TCF3: variants seen among roughly 807,000 people sequenced by gnomAD.
TCF3 encodes transcription factor E2-alpha.
A neutral mutation model predicts 72.3 loss-of-function variants in TCF3; 54 were observed. The ratio of observed to expected loss-of-function variants is 0.75; its 90% CI spans 0.60 to 0.94. The LOEUF (loss-of-function observed/expected upper bound fraction) is 0.94, where lower values mean the gene tolerates loss of function less well. TCF3 is among the 40% of genes least tolerant of loss of function. TCF3 has a pLI of 0.00. For missense variants in TCF3, 1,078 were observed against 934.4 expected, an observed-to-expected ratio of 1.15 and a Z score of -2.00; for synonymous variants, 525 against 412.6, an observed-to-expected ratio of 1.27 and a Z score of -3.30.
chr19:1,619,488 G>T lies in TCF3; in HGVS notation c.1168-14C>A. 1 of 1,566,078 alleles carries T rather than the reference G, an allele frequency of 6.4e-7. No individual in the cohort carries two copies. Among genetic ancestry groups the T allele is most frequent in the Non-Finnish European group, 8.6e-7 (1 of 1,158,458 alleles). On this transcript the variant is annotated splice_polypyrimidine_tract_variant and intron_variant, in intron 14 of 18. Transcript: ENST00000262965. Reference sequence around the variant, plus strand: ...TATCTTACTCTGCTGCAGGGTGGGGGGATGGGTGGTGAGGGGCCCAAGCCG... The same window carrying T: ...TATCTTACTCTGCTGCAGGGTGGGGTGATGGGTGGTGAGGGGCCCAAGCCG...
chr19:1,645,717 C>T (rs913815256), intron 3 of TCF3, among the ~76,000 whole-genome samples: 2 of 152,196 alleles, frequency 1.3e-5, no homozygotes. Flanking sequence ...CCCCAGGACC[C>T]CACGTCTCCC....
chr19:1,626,412 T>C (rs1366525887), intron 6 of TCF3, among the ~76,000 whole-genome samples: 1 of 151,226 alleles, frequency 6.6e-6, no homozygotes, highest in Non-Finnish European at 1.5e-5. Flanking sequence ...ATTGCGCCAT[T>C]GAACTCCAGC....
intron 18 of TCF3, chr19:1,612,077 G>A: frequency 1.0e-6 from 1 of 966,340 alleles, no homozygotes; most frequent in Non-Finnish European, 1.5e-6. Flanking sequence ...AACATCACTG[G>A]GTCTGAGTCC....
Position 1,646,435 on chromosome 19 carries a change from G to A in TCF3, c.73-8C>T, listed in dbSNP as rs1159465730. On this transcript the variant is annotated splice_region_variant and splice_polypyrimidine_tract_variant and intron_variant, in intron 2 of 18. Coordinates refer to ENST00000262965, the MANE Select transcript of TCF3 (RefSeq NM_003200.5). The stretch of plus-strand genomic sequence containing the variant: ...GACAGGCAGCGGGAACATCTGCAGG[G>A]AGGGGAGGGGAGACGTGAGCGGGGC... The A allele has an allele frequency of 9.7e-6, 15 of 1,548,966 alleles. No individual in the cohort carries two copies. Among genetic ancestry groups the A allele is most frequent in the Middle Eastern group, 1.7e-4 (1 of 6,004 alleles).
chr19:1,647,895 C>T (rs933509249), intron 2 of TCF3, among the ~76,000 whole-genome samples: 3 of 152,150 alleles, frequency 2.0e-5, no homozygotes, highest in African/African-American at 4.8e-5. Flanking sequence ...CTGTGTGGGA[C>T]GTGGTGAAAC....
At chr19:1,650,017 T>C (rs1279969278) in intron 2 of TCF3, among the ~76,000 whole-genome samples, 160 bp downstream of exon 2, 2 of 152,060 alleles carry the variant, frequency 1.3e-5, no homozygotes, top group Admixed American at 6.5e-5. Context: ...GTCAGCCTCC[T>C]GCCAGAGAGC....
chr19:1,650,194 G>A lies in TCF3; in HGVS notation c.55C>T (p.Leu19Phe), dbSNP rs941873597. Residue 19 changes from leucine (L) to phenylalanine (F), a missense_variant, in exon 2 of 19, where the codon CTC becomes TTC. Coordinates refer to ENST00000262965, the MANE Select transcript of TCF3 (RefSeq NM_003200.5). The part of the protein sequence containing the change: ...PVGTDKELSD[L>F]LDFSMMFPLP... ...TGGCTCACCATGCTGAAGTCCAGGA[G>A]GTCACTGAGCTCCTTGTCTGTGCCC... is the stretch of plus-strand genomic sequence containing the variant. 28 of 1,572,232 alleles carry A rather than the reference G, an allele frequency of 1.8e-5. No homozygotes were observed. The highest frequency in any genetic ancestry group is 2.3e-5 in the Non-Finnish European group (27 of 1,160,298).
In TCF3 at chr19:1,615,542, G is replaced by A. The variant is rs767178133; in HGVS notation, c.1587-22C>T. 6.2e-7 allele frequency: 1 copy of A among 1,605,144 alleles called. No homozygotes were observed. Among genetic ancestry groups the A allele is most frequent in the Middle Eastern group, 1.7e-4 (1 of 6,058 alleles). The stretch of plus-strand genomic sequence containing the variant: ...TGGGCTATGGGGAGGGCGCCGGGAG[G>A]GGGCCAGAGGGAGACAGTGAGGTTG... On this transcript the variant is annotated intron_variant, in intron 17 of 18. Transcript: ENST00000262965. The surrounding 1 kb of genome is among the most constrained non-coding windows in gnomAD (Gnocchi z 7.3).
In TCF3 at chr19:1,614,118, G is replaced by A. The variant is rs373192278; in HGVS notation, c.1822+1167C>T. Among the ~76,000 whole-genome samples, 62 of 152,378 alleles carry A rather than the reference G, an allele frequency of 4.1e-4. 2 individuals carry two copies. The South Asian group carries it at 8.1e-3, about 20-fold the overall frequency. ...GGCACCCACTGCTCTAGGTTGTGGT[G>A]AAGATGAAATGGGTGAAGGTCTGGC... is the stretch of plus-strand genomic sequence containing the variant. On this transcript the variant is annotated intron_variant, in intron 18 of 18. Coordinates refer to ENST00000262965, the MANE Select transcript of TCF3 (RefSeq NM_003200.5). The surrounding 1 kb of genome is among the most constrained non-coding windows in gnomAD (Gnocchi z 5.6).
intron 5 of TCF3, 124 bp downstream of exon 5, chr19:1,631,914 G>A (rs886788495): frequency 2.6e-6 from 4 of 1,538,118 alleles, no homozygotes; most frequent in Admixed American, 3.9e-5. Context: ...AGAGGCTTCG[G>A]CTGTCCACAC....
chr19:1,618,191 G>C (rs1313169936), intron 16 of TCF3, among the ~76,000 whole-genome samples: 1 of 152,072 alleles, frequency 6.6e-6, no homozygotes, highest in Non-Finnish European at 1.5e-5. Flanking sequence ...GCTCGGGCCA[G>C]AAATCCCAGA....
rs1241417649 is a variant in TCF3, at chr19:1,652,314, C to CG, written c.-55dup. On this transcript the variant is annotated 5_prime_UTR_variant, in exon 1 of 19. The change abolishes the stop of an existing upstream ORF in the 5' untranslated region. Coordinates refer to ENST00000262965, the MANE Select transcript of TCF3 (RefSeq NM_003200.5). Reference sequence around the variant, plus strand: ...GCCGGGCTCACCTGCTGGGCGCGGCCGGGCACGCGGCGCGTGGGGGGGGGC... The same window carrying CG: ...GCCGGGCTCACCTGCTGGGCGCGGCCGGGGCACGCGGCGCGTGGGGGGGGGC... 4 of 143,868 alleles carry CG rather than the reference C, an allele frequency of 2.8e-5. No individual in the cohort carries two copies. The highest frequency in any genetic ancestry group is 6.2e-5 in the Non-Finnish European group (4 of 65,002). 8.9% of individuals were successfully genotyped at this position (143,868 alleles called of 1,614,324 possible). A position where few individuals can be genotyped will look rare whatever the true frequency, so the allele number is the denominator to read the frequency against.
chr19:1,629,192 C>T (rs1430335368), intron 5 of TCF3, among the ~76,000 whole-genome samples: 1 of 152,026 alleles, frequency 6.6e-6, no homozygotes, highest in Non-Finnish European at 1.5e-5. Context: ...CCTCAGTTTC[C>T]TCTGTTTCAG....
intron 8 of TCF3, among the ~76,000 whole-genome samples, chr19:1,622,776 C>G (rs1417165459): frequency 6.6e-6 from 1 of 152,172 alleles, no homozygotes. Flanking sequence ...CATCCTTCTC[C>G]CTTGTTCCCC....
chr19:1,644,061 G>A (rs752072502), intron 3 of TCF3, among the ~76,000 whole-genome samples: 9 of 152,140 alleles, frequency 5.9e-5, no homozygotes, highest in Admixed American at 1.3e-4. Context: ...CAGCTCCGGG[G>A]CTCCATCCTG....
intron 5 of TCF3, among the ~76,000 whole-genome samples, chr19:1,631,029 C>T (rs1037865125): frequency 6.6e-5 from 10 of 152,228 alleles, no homozygotes; most frequent in South Asian, 2.1e-4. Context: ...TCCCAAGCGT[C>T]GGTTCGTTCC....
chr19:1,622,285 C>T (rs1389433519), intron 9 of TCF3, 28 bp downstream of exon 9: 3 of 1,504,526 alleles, frequency 2.0e-6, no homozygotes, highest in Non-Finnish European at 2.7e-6. Flanking sequence ...CCCTACCGTC[C>T]CTGGCGAGCC....
At chr19:1,633,089 C>T (rs774600987) in intron 3 of TCF3, among the ~76,000 whole-genome samples, 16 of 126,024 alleles carry the variant, frequency 1.3e-4, no homozygotes, top group Non-Finnish European at 1.8e-4. Context: ...ACCTTGGTCC[C>T]GGGGCGGGGC....
rs766811436 is a variant in TCF3 at position 1,632,042 on chromosome 19, G to T, written c.294C>A (p.Leu98=). ...CGCACCAGGCCAGGCACTCACCTCC[G>T]AGTCCCGGTCCCAGGAATGTGGATG... ...LSSSTFLGPG[L]GGKSGERGAY... is the part of the protein sequence containing the mutation. Residue 98 remains leucine, a synonymous_variant, in exon 5 of 19, where the codon CTC becomes CTA. Coordinates refer to ENST00000262965, the MANE Select transcript of TCF3 (RefSeq NM_003200.5). 2 of 1,612,876 alleles carry T rather than the reference G, an allele frequency of 1.2e-6. No homozygotes were observed. Among genetic ancestry groups the T allele is most frequent in the African/African-American group, 2.7e-5 (2 of 74,904 alleles).
Sources: allele counts gnomAD v4.1 joint callset (sites outside exome capture counted in the v4.1 genomes callset), GRCh38; gene constraint gnomAD v4.1.1; non-coding constraint Gnocchi (gnomAD v3.1); transcripts MANE v1.5; gene names NCBI Gene and HGNC (gene_info 2026-07-23, HGNC 2026-07-21).